Variants in EXOSC10 observed in about 807,000 individuals in gnomAD.
The protein encoded by EXOSC10 is exosome complex component 10.
EXOSC10 carries 94 observed loss-of-function variants against 126.6 expected under a neutral mutation model. The ratio of observed to expected loss-of-function variants is 0.74; its 90% confidence interval spans 0.63 to 0.88. EXOSC10 has a LOEUF of 0.88. Ranked by LOEUF, EXOSC10 falls within the 40% of genes least tolerant of loss-of-function variation. EXOSC10 has a pLI of 0.00. For synonymous variants in EXOSC10, 395 were observed against 400.8 expected, an observed-to-expected ratio of 0.99 and a Z score of 0.17; for missense variants, 1,041 against 1,100.5, an observed-to-expected ratio of 0.95 and a Z score of 0.77.
intron 21 of EXOSC10, among the ~76,000 whole-genome samples, chr1:11,070,265 TAA>T (rs35601923): frequency 2.0e-5 from 2 of 100,580 alleles, no homozygotes; most frequent in African/African-American, 4.3e-5. Flanking sequence ...AAAAGGAAAT[TAA>T]AAAAAAAAAA....
chr1:11,087,191 A>C (rs1448036484), intron 9 of EXOSC10, among the ~76,000 whole-genome samples: 1 of 152,212 alleles, frequency 6.6e-6, no homozygotes, highest in Non-Finnish European at 1.5e-5. Flanking sequence ...CATCAAGTCC[A>C]AACAATCTTG....
At chr1:11,090,489 A>C (rs1640742040) in intron 6 of EXOSC10, 65 bp downstream of exon 6, 7 of 1,319,200 alleles carry the variant, frequency 5.3e-6, no homozygotes, top group Non-Finnish European at 7.6e-6. Context: ...ATACTCCACA[A>C]AAGTGAAAAT....
At chr1:11,083,201 A>G (rs1160634609) in intron 9 of EXOSC10, among the ~76,000 whole-genome samples, 1 of 152,136 alleles carries the variant, frequency 6.6e-6, no homozygotes, top group Non-Finnish European at 1.5e-5. Flanking sequence ...CTCCTGCCTC[A>G]GCTCCCCAAA....
chr1:11,087,542 GA>G lies in EXOSC10; in HGVS notation c.994del (p.Ser332LeufsTer41). 1.2e-6 allele frequency: 2 copies of G among 1,614,156 alleles called. No homozygotes were observed. The highest frequency in any genetic ancestry group is 1.7e-6 in the Non-Finnish European group (2 of 1,180,020). On this transcript the variant is annotated frameshift_variant, in exon 9 of 25. Transcript: ENST00000376936. LOFTEE classifies it high-confidence loss of function. ...AATGATGAAGTCTTCCGTCCGAGTA[GA>G]AATTTGCATCAGGCAGGTCAGTCCC... ...FLGLTCLMQI[S>X]TRTEDFIIDT...
Position 11,079,651 on chromosome 1 carries a change from C to T in EXOSC10, c.1749+60G>A. On this transcript the variant is annotated intron_variant, in intron 14 of 24. Coordinates refer to ENST00000376936, the MANE Select transcript of EXOSC10 (RefSeq NM_001001998.3). ...TGAAATGATCCAGCCACCTCAGCCT[C>T]CCAAAGTGCTGAGATTATAGGCGTG... 3 of 1,421,130 alleles carry T rather than the reference C, an allele frequency of 2.1e-6. No homozygotes were observed. In the Admixed American group the frequency reaches 5.6e-5, roughly 26 times the overall value. 88.0% of individuals were successfully genotyped at this position (1,421,130 alleles called of 1,614,324 possible).
chr1:11,072,352 CTAT>C lies in EXOSC10; in HGVS notation c.2158-184_2158-182del, dbSNP rs202126281. 30 of 551,964 alleles carry C rather than the reference CTAT, an allele frequency of 5.4e-5. No homozygotes were observed. In the East Asian group the frequency reaches 9.5e-4, roughly 17 times the overall value. 34.2% of individuals were successfully genotyped at this position (551,964 alleles called of 1,614,324 possible). A position where few individuals can be genotyped will look rare whatever the true frequency, so the allele number is the denominator to read the frequency against. ...CATGCTGGCTTTATTGCTAAAATCC[CTAT>C]TAAGGACAAAGTGCTACTGTCCTCC... is the stretch of plus-strand genomic sequence containing the variant. On this transcript the variant is annotated intron_variant, in intron 19 of 24. Coordinates refer to ENST00000376936, the MANE Select transcript of EXOSC10 (RefSeq NM_001001998.3).
chr1:11,068,037 G>A lies in EXOSC10; in HGVS notation c.2598C>T (p.Ser866=), dbSNP rs773887129. 2.5e-6 allele frequency: 4 copies of A among 1,614,044 alleles called. No homozygotes were observed. The East Asian group carries it at 8.9e-5, about 36-fold the overall frequency. The change falls in exon 24 of 25, where the codon AGC becomes AGT. Residue 866 remains serine (S), a synonymous_variant. Coordinates refer to ENST00000376936, the MANE Select transcript of EXOSC10 (RefSeq NM_001001998.3). ...CTGACTTTCCAGTTGGAAAGGACAT[G>A]CTTTTGTTTCCCACCGACTGTTTAA... ...KKIKQSVGNK[S]MSFPTGKSDR... is the part of the protein sequence containing the mutation.
intron 9 of EXOSC10, 54 bp from the exon 10 acceptor site, chr1:11,082,932 A>T: frequency 1.4e-6 from 2 of 1,383,528 alleles, no homozygotes; most frequent in South Asian, 2.4e-5. Context: ...ACTCATGCTC[A>T]GAAATTAACT....
chr1:11,082,025 T>G (rs1312797541), intron 10 of EXOSC10, among the ~76,000 whole-genome samples: 2 of 149,776 alleles, frequency 1.3e-5, no homozygotes, highest in African/African-American at 4.9e-5. Context: ...GAGGTTGTGG[T>G]GAGCCGAGAT....
At chr1:11,082,031 G>A (rs953771694) in intron 10 of EXOSC10, among the ~76,000 whole-genome samples, 9 of 150,294 alleles carry the variant, frequency 6.0e-5, no homozygotes, top group African/African-American at 1.5e-4. Flanking sequence ...GTGGTGAGCC[G>A]AGATCGCGCC....
chr1:11,088,680 A>T (rs1640632725), intron 6 of EXOSC10, among the ~76,000 whole-genome samples: 1 of 152,220 alleles, frequency 6.6e-6, no homozygotes, highest in South Asian at 2.1e-4. Flanking sequence ...CCAGGAGGGC[A>T]GGGCTGCCTT....
rs141236631 is a variant in EXOSC10 at position 11,072,249 on chromosome 1, C to T, written c.2158-78G>A. 1,182 of 1,034,614 alleles carry T rather than the reference C, an allele frequency of 1.1e-3. 7 individuals are homozygous for T. In the African/African-American group the frequency reaches 0.014, roughly 13 times the overall value. The allele number at this position is 1,034,614 out of a possible 1,614,324, so 64.1% of individuals were successfully genotyped here. A position where few individuals can be genotyped will look rare whatever the true frequency, so the allele number is the denominator to read the frequency against. The stretch of plus-strand genomic sequence containing the variant: ...GTCTGTCTTACTTTTCATGAGGTGA[C>T]GAAGGGCAGGTTAACCTAAGAAGTA... On this transcript the variant is annotated intron_variant, in intron 19 of 24. Transcript: ENST00000376936.
At chr1:11,082,544 C>A in intron 10 of EXOSC10, 144 bp downstream of exon 10, 1 of 1,494,112 alleles carries the variant, frequency 6.7e-7, no homozygotes, top group Non-Finnish European at 8.9e-7. Flanking sequence ...CACTTTTACG[C>A]TGCTGAAGAT....
At position 11,069,595 on chromosome 1, in the gene EXOSC10, A is replaced by G; in HGVS notation, c.2452T>C (p.Tyr818His). The G allele has an allele frequency of 6.2e-7, 1 of 1,613,932 alleles. No homozygotes were observed. The highest frequency in any genetic ancestry group is 8.5e-7 in the Non-Finnish European group (1 of 1,180,010). The change falls in exon 22 of 25, where the codon TAC (tyrosine) becomes CAC (histidine). Residue 818 changes from tyrosine to histidine, a missense_variant. Coordinates refer to ENST00000376936, the MANE Select transcript of EXOSC10 (RefSeq NM_001001998.3). ...PEPPEKEFTP[Y>H]DYSQSDFKAF... ...TTGAAGTCTGACTGGCTGTAGTCGT[A>G]AGGCGTAAACTCTTTTTCTGGTGGC... is the stretch of plus-strand genomic sequence containing the variant.
intron 19 of EXOSC10, 33 bp from the exon 20 acceptor site, chr1:11,072,204 CT>C: frequency 6.4e-7 from 1 of 1,554,466 alleles, no homozygotes; most frequent in Non-Finnish European, 8.8e-7. Context: ...AAAAAAAACC[CT>C]CCAAAGTCAG....
intron 22 of EXOSC10, among the ~76,000 whole-genome samples, chr1:11,069,301 GGTCACA>G (rs1639315078): frequency 7.1e-6 from 1 of 141,442 alleles, no homozygotes; most frequent in Non-Finnish European, 1.6e-5. Flanking sequence ...ATGGCGCCCT[GGTCACA>G]GTGGAAGTGA....
chr1:11,096,775 G>T (rs1641122163), intron 2 of EXOSC10, among the ~76,000 whole-genome samples: 2 of 152,122 alleles, frequency 1.3e-5, no homozygotes, highest in South Asian at 4.1e-4. Flanking sequence ...CGCCATGTCT[G>T]GCCCCTGATA....
In EXOSC10 at chr1:11,082,474, A is replaced by T. The variant is rs891723127; in HGVS notation, c.1280+214T>A. ...CTTTTTCAACCACTATTTCCATGGA[A>T]CACAGTGTAACTGCATCAGCCCATC... On this transcript the variant is annotated intron_variant, in intron 10 of 24. Transcript: ENST00000376936. 55 of 1,218,458 alleles carry T rather than the reference A, an allele frequency of 4.5e-5. No individual in the cohort carries two copies. In the Middle Eastern group the frequency reaches 2.7e-3, roughly 59 times the overall value. 75.5% of individuals were successfully genotyped at this position (1,218,458 alleles called of 1,614,324 possible). A position where few individuals can be genotyped will look rare whatever the true frequency, so the allele number is the denominator to read the frequency against.
intron 2 of EXOSC10, among the ~76,000 whole-genome samples, chr1:11,097,188 C>T (rs553409731): frequency 2.9e-4 from 44 of 150,282 alleles, no homozygotes; most frequent in African/African-American, 1.1e-3. Flanking sequence ...TCAGCCTGGG[C>T]GACAGAGCAA....
Sources: allele counts gnomAD v4.1 joint callset (sites outside exome capture counted in the v4.1 genomes callset), GRCh38; gene constraint gnomAD v4.1.1; transcripts MANE v1.5; gene names NCBI Gene and HGNC (gene_info 2026-07-23, HGNC 2026-07-21).